Variants in PCLO observed in about 807,000 individuals in gnomAD.
PCLO encodes protein piccolo.
A neutral mutation model predicts 427.5 loss-of-function variants in PCLO; 82 were observed. The ratio of observed to expected loss-of-function variants is 0.19; its 90% CI spans 0.16 to 0.23. The LOEUF (loss-of-function observed/expected upper bound fraction) is 0.23. Ranked by LOEUF, PCLO falls within the 10% of genes least tolerant of loss-of-function variation. The probability of loss-of-function intolerance (pLI) is 1.00; values close to 1 mark genes in which losing one functional copy is unlikely to be tolerated. For synonymous variants in PCLO, 2,357 were observed against 2,155.4 expected (o/e 1.09, Z -2.59); for missense variants, 6,239 against 6,115.9 (o/e 1.02, Z -0.67).
At chr7:82,774,399 C>A (rs978164563) in intron 22 of PCLO, among the ~76,000 whole-genome samples, 4 of 152,128 alleles carry the variant, frequency 2.6e-5, no homozygotes, top group Non-Finnish European at 5.9e-5. Flanking sequence ...TTATTCCTTT[C>A]ATTTTGCACA....
chr7:82,946,296 G>A (rs189322572), intron 6 of PCLO, among the ~76,000 whole-genome samples: 9 of 152,152 alleles, frequency 5.9e-5, no homozygotes, highest in African/African-American at 1.9e-4. Context: ...TTCAATCAAT[G>A]TTGAGCACCT....
intron 10 of PCLO, among the ~76,000 whole-genome samples, chr7:82,850,796 G>T (rs1050265497): frequency 6.6e-6 from 1 of 152,014 alleles, no homozygotes; most frequent in East Asian, 1.9e-4. Flanking sequence ...ACATTTTATG[G>T]TGTTATAAAA....
rs1461717260 is a variant in PCLO, at chr7:83,162,348, T to C, written c.245A>G (p.His82Arg). The C allele has an allele frequency of 2.5e-6, 4 of 1,598,594 alleles. No individual in the cohort carries two copies. The highest frequency in any genetic ancestry group is 3.4e-6 in the Non-Finnish European group (4 of 1,172,878). Residue 82 changes from histidine to arginine, a missense_variant, in exon 1 of 25, where the codon CAC becomes CGC. Coordinates refer to ENST00000333891, the MANE Select transcript of PCLO (RefSeq NM_033026.6). ...PPAAAESPSM[H>R]RKQELDSSHP... The stretch of plus-strand genomic sequence containing the variant: ...ATATACATCATGCTGTGCATGCCTG[T>C]GCATGGAAGGCGACTCCGCAGCGGC...
At chr7:83,018,754 CACAA>C (rs1788269755) in intron 3 of PCLO, among the ~76,000 whole-genome samples, 1 of 151,926 alleles carries the variant, frequency 6.6e-6, no homozygotes, top group African/African-American at 2.4e-5. Context: ...TTTGATTTTA[CACAA>C]ACACTTTTGA....
Position 83,155,242 on chromosome 7 carries a change from T to C in PCLO, c.1399A>G (p.Thr467Ala), listed in dbSNP as rs986976425. 3 of 1,613,182 alleles carry C rather than the reference T, an allele frequency of 1.9e-6. No homozygotes were observed. Among genetic ancestry groups the C allele is most frequent in the Admixed American group, 3.3e-5 (2 of 59,960 alleles). Reference protein sequence around the residue: ...GKTSAQQTGPTKPPSQLPGPA... With the variant: ...GKTSAQQTGPAKPPSQLPGPA... ...CCAGGCAGTTGTGAAGGAGGCTTTG[T>C]TGGGCCAGTCTGCTGGGCAGAAGTC... Residue 467 changes from threonine (T) to alanine (A), a missense_variant, in exon 2 of 25, where the codon ACA (threonine) becomes GCA (alanine). By Grantham distance (58) the Thr-to-Ala change is moderately conservative. Coordinates refer to ENST00000333891, the MANE Select transcript of PCLO (RefSeq NM_033026.6).
chr7:83,154,799 T>C lies in PCLO; in HGVS notation c.1842A>G (p.Gln614=), dbSNP rs990329089. The C allele has an allele frequency of 1.2e-6, 2 of 1,613,992 alleles. No individual in the cohort carries two copies. Among genetic ancestry groups the C allele is most frequent in the Non-Finnish European group, 1.7e-6 (2 of 1,179,878 alleles). ...AACCACAGAGACTACAGACAGTGGT[T>C]TGACACTCAGTGCATGTGTTAAAAT... ...KANFNTCTEC[Q]TTVCSLCGFN... is the part of the protein sequence containing the mutation. Residue 614 remains glutamine (Q), a synonymous_variant, in exon 2 of 25, where the codon CAA becomes CAG. Transcript: ENST00000333891.
At chr7:83,152,084 C>T (rs1562993410) in intron 2 of PCLO, among the ~76,000 whole-genome samples, 2 of 151,994 alleles carry the variant, frequency 1.3e-5, no homozygotes, top group East Asian at 3.9e-4. Flanking sequence ...CCTGCTTCAG[C>T]CTCCCTAGTA....
chr7:82,942,773 G>A (rs941517665), intron 6 of PCLO, among the ~76,000 whole-genome samples: 14 of 151,996 alleles, frequency 9.2e-5, no homozygotes, highest in African/African-American at 3.4e-4. Context: ...TAATCAAGAA[G>A]AAATATCATG....
intron 10 of PCLO, 121 bp downstream of exon 10, chr7:82,879,216 C>T: frequency 1.4e-6 from 1 of 723,568 alleles, no homozygotes; most frequent in Non-Finnish European, 2.1e-6. Context: ...AATTTCACAA[C>T]TAACCATAAG....
At chr7:82,941,393 A>G (rs1479946064) in intron 6 of PCLO, among the ~76,000 whole-genome samples, 1 of 152,228 alleles carries the variant, frequency 6.6e-6, no homozygotes, top group Non-Finnish European at 1.5e-5. Flanking sequence ...AACTCTACAC[A>G]TAATTCACAA....
At chr7:82,949,399 G>A in intron 6 of PCLO, 77 bp downstream of exon 6, 1 of 1,096,838 alleles carries the variant, frequency 9.1e-7, no homozygotes, top group East Asian at 2.4e-5. Context: ...CCAGGAGCCT[G>A]ATCGCCTCCT....
intron 3 of PCLO, among the ~76,000 whole-genome samples, chr7:83,094,372 C>A (rs1790477487): frequency 6.6e-6 from 1 of 151,906 alleles, no homozygotes; most frequent in Non-Finnish European, 1.5e-5. Flanking sequence ...CCATGCCCAG[C>A]TAATTTTTGT....
At chr7:83,000,992 TTTAAA>T (rs1300435287) in intron 3 of PCLO, among the ~76,000 whole-genome samples, 3 of 152,042 alleles carry the variant, frequency 2.0e-5, no homozygotes, top group Non-Finnish European at 4.4e-5. Flanking sequence ...GCCAAACATT[TTTAAA>T]TTAAAGTGTA....
At chr7:82,976,167 A>C (rs1323145137) in intron 3 of PCLO, among the ~76,000 whole-genome samples, 1 of 152,122 alleles carries the variant, frequency 6.6e-6, no homozygotes, top group African/African-American at 2.4e-5. Flanking sequence ...CCATGTTGTC[A>C]ATTATTGTTT....
intron 3 of PCLO, among the ~76,000 whole-genome samples, chr7:82,971,100 A>G (rs916666582): frequency 6.6e-6 from 1 of 151,896 alleles, no homozygotes; most frequent in African/African-American, 2.4e-5. Context: ...GATGTTATCT[A>G]TACTCTTAGT....
intron 3 of PCLO, among the ~76,000 whole-genome samples, chr7:83,001,761 T>G (rs907073505): frequency 1.3e-5 from 2 of 152,030 alleles, no homozygotes; most frequent in Non-Finnish European, 2.9e-5. Context: ...ATCTTTTCAC[T>G]GCACTTTCAT....
chr7:82,839,653 A>C (rs1360266202), intron 14 of PCLO, among the ~76,000 whole-genome samples: 1 of 152,066 alleles, frequency 6.6e-6, no homozygotes. Context: ...CAGCCTTAGA[A>C]TCCACTTTTA....
rs749740299 is a variant in PCLO at position 82,954,157 on chromosome 7, A to G, written c.6796T>C (p.Leu2266=). The G allele has an allele frequency of 5.0e-6, 8 of 1,613,908 alleles. No individual in the cohort carries two copies. In the Admixed American group the frequency reaches 1.3e-4, roughly 27 times the overall value. ...ATGATAGAAGATGCCATATCAGATAAGGAAATAACAATATGATCAGCACTA... is the reference window on the plus strand; with the variant it reads ...ATGATAGAAGATGCCATATCAGATAGGGAAATAACAATATGATCAGCACTA... The part of the protein sequence containing the change: ...RASADHIVIS[L]SDMASSIIES... The change falls in exon 5 of 25, where the codon TTA becomes CTA. Residue 2266 remains leucine (L), a synonymous_variant. Transcript: ENST00000333891.
At chr7:82,778,578 GC>G (rs1790804406) in intron 22 of PCLO, among the ~76,000 whole-genome samples, 1 of 151,912 alleles carries the variant, frequency 6.6e-6, no homozygotes, top group South Asian at 2.1e-4. Context: ...TTATTATTTG[GC>G]CATCAGATAG....
Sources: allele counts gnomAD v4.1 joint callset (sites outside exome capture counted in the v4.1 genomes callset), GRCh38; gene constraint gnomAD v4.1.1; transcripts MANE v1.5; gene names NCBI Gene and HGNC (gene_info 2026-07-23, HGNC 2026-07-21).